The following KCNH5 variants were observed in gnomAD, a reference collection of about 807,000 sequenced individuals.
KCNH5 encodes voltage-gated delayed rectifier potassium channel KCNH5.
In KCNH5, 46 loss-of-function variants were observed where a neutral mutation model predicts 96.1. That is an observed-to-expected ratio of 0.48 (90% CI 0.38 to 0.61). The LOEUF is 0.61. Among genes scored for constraint, KCNH5 ranks in the 20% least tolerant of loss-of-function variants. The pLI, the probability that KCNH5 is intolerant of heterozygous loss-of-function variation, is 0.00. For synonymous variants in KCNH5, 439 were observed against 449.8 expected (o/e 0.98, Z 0.30); for missense variants, 907 against 1,225.8 (o/e 0.74, Z 3.88).
rs182518645 is a variant in KCNH5, at chr14:63,023,849, A to C, written c.74-6895T>G. Among the ~76,000 whole-genome samples, 284 of 152,338 alleles carry C rather than the reference A, an allele frequency of 1.9e-3. 3 individuals are homozygous for C. Among genetic ancestry groups the C allele is most frequent in the Non-Finnish European group, 2.6e-4 (18 of 68,038 alleles). ...TTTTAGAAAATTTACAAATATGTGGAAATTGAACAATATACTCCTAAGGAA... is the reference window on the plus strand; with the variant it reads ...TTTTAGAAAATTTACAAATATGTGGCAATTGAACAATATACTCCTAAGGAA... On this transcript the variant is annotated intron_variant, in intron 1 of 10. Transcript: ENST00000322893.
intron 7 of KCNH5, among the ~76,000 whole-genome samples, chr14:62,922,688 G>T (rs1566709195): frequency 1.3e-5 from 2 of 151,922 alleles, no homozygotes; most frequent in Non-Finnish European, 2.9e-5. Flanking sequence ...CACATTAACA[G>T]AATGAAGAAT....
intron 9 of KCNH5, among the ~76,000 whole-genome samples, chr14:62,786,073 C>T (rs1318192462): frequency 6.6e-6 from 1 of 151,966 alleles, no homozygotes; most frequent in Non-Finnish European, 1.5e-5. Flanking sequence ...CGCCTGTAAT[C>T]CCTGCTACTC....
chr14:62,953,654 G>A (rs1890048086), intron 6 of KCNH5, among the ~76,000 whole-genome samples: 1 of 152,160 alleles, frequency 6.6e-6, no homozygotes, highest in Non-Finnish European at 1.5e-5. Flanking sequence ...CATGTAGCTG[G>A]TTATCAAGTC....
chr14:62,818,110 G>GGGGGGGGGGGGGGGGAAGAAA (rs1887033498), intron 8 of KCNH5, among the ~76,000 whole-genome samples: 1 of 67,272 alleles, frequency 1.5e-5, no homozygotes, highest in South Asian at 5.9e-4. Flanking sequence ...AGCTGGGGGC[G>GGGGGGGGGGGGGGGGAAGAAA]GGGGGGGGGT....
intron 6 of KCNH5, among the ~76,000 whole-genome samples, chr14:62,977,351 C>T (rs1190449517): frequency 1.3e-5 from 2 of 151,838 alleles, no homozygotes; most frequent in Admixed American, 6.6e-5. Context: ...CAGAGCAAGA[C>T]TCTGTCACCA....
Position 62,748,725 on chromosome 14 carries a change from G to A in KCNH5, c.2019+31003C>T, listed in dbSNP as rs150814005. The stretch of plus-strand genomic sequence containing the variant: ...CTCAGTCAGAGAGCGTTGGTATGGC[G>A]AAGGTCGTTCATAACTGCGAGTTCC... On this transcript the variant is annotated intron_variant, in intron 10 of 10. Coordinates refer to ENST00000322893, the MANE Select transcript of KCNH5 (RefSeq NM_139318.5). Among the ~76,000 whole-genome samples the A allele has an allele frequency of 3.4e-4, 52 of 152,116 alleles. No homozygotes were observed. The East Asian group carries it at 8.3e-3, about 24-fold the overall frequency.
At position 62,776,360 on chromosome 14, in the gene KCNH5, A is replaced by G. The variant is rs897604395; in HGVS notation, c.2019+3368T>C. 4.6e-5 allele frequency among the ~76,000 whole-genome samples: 7 copies of G among 150,896 alleles called. 1 individual carries two copies. Among genetic ancestry groups the G allele is most frequent in the Middle Eastern group, 6.8e-3 (2 of 292 alleles). On this transcript the variant is annotated intron_variant, in intron 10 of 10. Transcript: ENST00000322893. The stretch of plus-strand genomic sequence containing the variant: ...CTTCCTTCCCACCTCCCATCTCTCT[A>G]CCTCCCCTTCTTGTCTCTCTTATGT...
intron 7 of KCNH5, among the ~76,000 whole-genome samples, chr14:62,857,510 T>A (rs1887952324): frequency 1.3e-5 from 2 of 152,272 alleles, no homozygotes; most frequent in Admixed American, 1.3e-4. Context: ...ACTCACATGA[T>A]CGTAAGGTCC....
At chr14:62,743,054 G>A (rs1056474405) in intron 10 of KCNH5, among the ~76,000 whole-genome samples, 3 of 151,976 alleles carry the variant, frequency 2.0e-5, no homozygotes, top group African/African-American at 7.2e-5. Flanking sequence ...AGAGAAAATG[G>A]CTCAACTACA....
At chr14:62,894,655 T>A (rs1054942967) in intron 7 of KCNH5, among the ~76,000 whole-genome samples, 1 of 152,196 alleles carries the variant, frequency 6.6e-6, no homozygotes, top group Non-Finnish European at 1.5e-5. Flanking sequence ...TCCAACCAAT[T>A]CTATATAGCT....
intron 5 of KCNH5, among the ~76,000 whole-genome samples, chr14:62,983,355 G>A (rs1890645467): frequency 6.7e-6 from 1 of 150,230 alleles, no homozygotes; most frequent in Admixed American, 6.6e-5. Flanking sequence ...TCCAGCCTGG[G>A]TGACAGAGCG....
chr14:62,776,940 C>T (rs1219561866), intron 10 of KCNH5, among the ~76,000 whole-genome samples: 2 of 152,182 alleles, frequency 1.3e-5, no homozygotes, highest in Non-Finnish European at 2.9e-5. Context: ...CAGAACTGTA[C>T]CATGCCATGG....
At chr14:62,722,682 G>C (rs757759084) in intron 10 of KCNH5, among the ~76,000 whole-genome samples, 2 of 152,078 alleles carry the variant, frequency 1.3e-5, no homozygotes, top group African/African-American at 4.8e-5. Flanking sequence ...GGGACTCTTC[G>C]GTATGTATGT....
At chr14:62,793,761 G>A (rs2139991306) in intron 9 of KCNH5, among the ~76,000 whole-genome samples, 1 of 151,838 alleles carries the variant, frequency 6.6e-6, no homozygotes, top group East Asian at 1.9e-4. Context: ...TCAGGAAATA[G>A]AAATCTGGCT....
rs78041761 is a variant in KCNH5 at position 62,922,604 on chromosome 14, G to T, written c.1369+27529C>A. On this transcript the variant is annotated intron_variant, in intron 7 of 10. Coordinates refer to ENST00000322893, the MANE Select transcript of KCNH5 (RefSeq NM_139318.5). ...ATATTAAAAGGATCATACACTATAC[G>T]CCATGATCAAGCTGAATCTATTTCT... Among the ~76,000 whole-genome samples, 913 of 151,904 alleles carry T rather than the reference G, an allele frequency of 6.0e-3. 14 individuals carry two copies. Among genetic ancestry groups the T allele is most frequent in the African/African-American group, 0.021 (883 of 41,474 alleles).
chr14:62,795,281 C>T (rs1284104604), intron 9 of KCNH5, among the ~76,000 whole-genome samples: 1 of 152,060 alleles, frequency 6.6e-6, no homozygotes, highest in Non-Finnish European at 1.5e-5. Context: ...ATTATGAAAA[C>T]AGTTTGTTGG....
intron 6 of KCNH5, among the ~76,000 whole-genome samples, chr14:62,966,573 A>G (rs569319807): frequency 2.6e-5 from 4 of 152,356 alleles, no homozygotes; most frequent in African/African-American, 9.6e-5. Flanking sequence ...TACTGTCTAC[A>G]TTAACACGAC....
At chr14:62,735,763 G>A (rs969500623) in intron 10 of KCNH5, among the ~76,000 whole-genome samples, 1 of 151,794 alleles carries the variant, frequency 6.6e-6, no homozygotes, top group African/African-American at 2.4e-5. Flanking sequence ...TGGAGGTAAG[G>A]TCTTTACAGG....
intron 9 of KCNH5, among the ~76,000 whole-genome samples, chr14:62,794,333 C>G (rs1478942137): frequency 1.3e-5 from 2 of 151,560 alleles, no homozygotes; most frequent in African/African-American, 2.4e-5. Context: ...TTAAACCAAA[C>G]AGTTGTACTA....
Sources: allele counts gnomAD v4.1 joint callset (sites outside exome capture counted in the v4.1 genomes callset), GRCh38; gene constraint gnomAD v4.1.1; transcripts MANE v1.5; gene names NCBI Gene and HGNC (gene_info 2026-07-23, HGNC 2026-07-21).